The following MYOF variants were observed in gnomAD, a reference collection of about 807,000 sequenced individuals.
MYOF encodes the protein fer-1-like 3, myoferlin.
A neutral mutation model predicts 284.2 loss-of-function variants in MYOF; 244 were observed. That is an observed-to-expected ratio of 0.86 (90% CI 0.77 to 0.95). The LOEUF is 0.95. MYOF is among the 40% of genes least tolerant of loss of function. The pLI is 0.00. For synonymous variants in MYOF, 904 were observed against 919.7 expected (o/e 0.98, Z 0.31); for missense variants, 2,496 against 2,560.6 (o/e 0.97, Z 0.54).
chr10:93,327,797 G>A (rs1015059215), intron 45 of MYOF, among the ~76,000 whole-genome samples: 7 of 150,950 alleles, frequency 4.6e-5, no homozygotes, highest in Middle Eastern at 3.2e-3. Context: ...TCACTCTGTC[G>A]CCCAGGCTGG....
At chr10:93,427,985 A>C (rs1303694856) in intron 4 of MYOF, among the ~76,000 whole-genome samples, 1 of 152,072 alleles carries the variant, frequency 6.6e-6, no homozygotes, top group East Asian at 1.9e-4. Context: ...CTACTATCAC[A>C]ATCATTTTAT....
intron 12 of MYOF, among the ~76,000 whole-genome samples, chr10:93,400,495 G>A (rs566241718): frequency 6.6e-6 from 1 of 151,962 alleles, no homozygotes; most frequent in South Asian, 2.1e-4. Flanking sequence ...AGAAAGGTGG[G>A]TATGGGGAGG....
chr10:93,382,905 C>T (rs1445299036), intron 19 of MYOF, among the ~76,000 whole-genome samples: 1 of 151,268 alleles, frequency 6.6e-6, no homozygotes, highest in African/African-American at 2.4e-5. Context: ...ATTTTTAATT[C>T]TTTTTTTTTA....
intron 5 of MYOF, among the ~76,000 whole-genome samples, chr10:93,413,504 A>G (rs1847988949): frequency 6.6e-6 from 1 of 152,216 alleles, no homozygotes; most frequent in Non-Finnish European, 1.5e-5. Context: ...TTGTGCTGGC[A>G]GGCCCTGTTC....
chr10:93,425,995 T>G, intron 5 of MYOF, 76 bp downstream of exon 5: 1 of 1,429,796 alleles, frequency 7.0e-7, no homozygotes, highest in Non-Finnish European at 9.6e-7. Context: ...ATGGCAGGGT[T>G]TCTCCAGACA....
intron 5 of MYOF, among the ~76,000 whole-genome samples, chr10:93,413,007 T>A (rs1479386495): frequency 6.6e-6 from 1 of 152,184 alleles, no homozygotes; most frequent in African/African-American, 2.4e-5. Flanking sequence ...ATCCTGGGCC[T>A]AAGTGGTACT....
chr10:93,361,471 A>T lies in MYOF; in HGVS notation c.2955T>A (p.Asn985Lys), dbSNP rs1381259728. 4 of 1,614,074 alleles carry T rather than the reference A, an allele frequency of 2.5e-6. No individual in the cohort carries two copies. The highest frequency in any genetic ancestry group is 1.3e-5 in the African/African-American group (1 of 74,932). The change falls in exon 28 of 54, where the codon AAT becomes AAA. Residue 985 changes from asparagine to lysine, a missense_variant. Asn to Lys is a moderately conservative substitution (Grantham distance 94). Around this residue, in one of 3 missense-constraint regions of MYOF, gnomAD observed 2,436 missense variants for 2,480.7 expected, o/e 0.98. Coordinates refer to ENST00000359263, the MANE Select transcript of MYOF (RefSeq NM_013451.4). ...TGTTACCTTTCTCATCCACCGCTCG[A>T]TTTATGTCATAAGACCATGCATCAT... is the stretch of plus-strand genomic sequence containing the variant. ...WEDDAWSYDI[N>K]RAVDEKGWEY... is the part of the protein sequence containing the mutation.
Position 93,408,839 on chromosome 10 carries a change from C to T in MYOF, c.677G>A (p.Gly226Asp), listed in dbSNP as rs761719781. The change falls in exon 7 of 54, where the codon GGC (glycine) becomes GAC (aspartate). Residue 226 changes from glycine (G) to aspartate (D), a missense_variant. Physicochemically the swap from Gly to Asp is moderately conservative, Grantham distance 94. This residue lies in a region of MYOF where 2,436 missense variants were observed against 2,480.7 expected (regional missense o/e 0.98). Transcript: ENST00000359263. ...CTTGATTCTTGTTCGGTGTGTCTGG[C>T]CACAGACGTGAACTTTGACCACAGG... is the stretch of plus-strand genomic sequence containing the variant. The part of the protein sequence containing the change: ...IRPVVKVHVC[G>D]QTHRTRIKRG... 4.3e-6 allele frequency: 7 copies of T among 1,614,060 alleles called. No individual in the cohort carries two copies. Among genetic ancestry groups the T allele is most frequent in the East Asian group, 2.2e-5 (1 of 44,890 alleles).
intron 49 of MYOF, among the ~76,000 whole-genome samples, chr10:93,318,403 A>C (rs1842709641): frequency 6.6e-6 from 1 of 152,096 alleles, no homozygotes; most frequent in Admixed American, 6.5e-5. Flanking sequence ...CCTGGGTGGC[A>C]GAGTGAGACC....
chr10:93,327,893 G>T (rs1430898651), intron 45 of MYOF, among the ~76,000 whole-genome samples: 3 of 152,098 alleles, frequency 2.0e-5, no homozygotes, highest in African/African-American at 7.2e-5. Flanking sequence ...GAGTAGCTGG[G>T]ATTACAGGTG....
chr10:93,315,128 A>G (rs1842562236), intron 50 of MYOF, among the ~76,000 whole-genome samples: 1 of 152,192 alleles, frequency 6.6e-6, no homozygotes, highest in Admixed American at 6.5e-5. Context: ...CTACTTGCAT[A>G]CTCATTTATT....
chr10:93,421,181 C>T (rs575902021), intron 5 of MYOF, among the ~76,000 whole-genome samples: 29 of 152,092 alleles, frequency 1.9e-4, no homozygotes, highest in South Asian at 4.2e-4. Context: ...TACTCCACTG[C>T]GTTCCAGCCT....
chr10:93,338,517 T>TCATCTACCTGCCTC (rs1843717756), intron 39 of MYOF: 1 of 456,720 alleles, frequency 2.2e-6, no homozygotes, highest in Admixed American at 2.4e-5. Context: ...CATGCTGCCT[T>TCATCTACCTGCCTC]CATCTACCTG....
chr10:93,409,556 C>T lies in MYOF; in HGVS notation c.600+17G>A, dbSNP rs760184866. On this transcript the variant is annotated intron_variant, in intron 6 of 53. Transcript: ENST00000359263. ...ATAAAGATTAAACAAAGAAGCAGAA[C>T]GCCAGGCCGTTGCTACCTGGAAGTC... 3.0e-5 allele frequency: 49 copies of T among 1,609,538 alleles called. No homozygotes were observed. The highest frequency in any genetic ancestry group is 2.7e-4 in the East Asian group (12 of 44,810).
chr10:93,464,517 G>T (rs2056958782), intron 1 of MYOF, among the ~76,000 whole-genome samples: 2 of 152,164 alleles, frequency 1.3e-5, no homozygotes, highest in African/African-American at 2.4e-5. Flanking sequence ...GCAGGGAAAA[G>T]CACAGATGTC....
At chr10:93,433,150 T>TTTTATTTA (rs111782136) in intron 3 of MYOF, among the ~76,000 whole-genome samples, 25 of 151,820 alleles carry the variant, frequency 1.6e-4, no homozygotes, top group African/African-American at 5.6e-4. Flanking sequence ...ATTTAGAATG[T>TTTTATTTA]TTTATTTATT....
chr10:93,477,590 T>C (rs564838433), intron 1 of MYOF, among the ~76,000 whole-genome samples: 11 of 152,236 alleles, frequency 7.2e-5, no homozygotes, highest in Admixed American at 2.6e-4. Context: ...GGCTCACGCC[T>C]GTAATCCCAG....
At chr10:93,318,103 C>T (rs1462867584) in intron 49 of MYOF, among the ~76,000 whole-genome samples, 4 of 152,092 alleles carry the variant, frequency 2.6e-5, no homozygotes, top group Admixed American at 2.6e-4. Context: ...AGCCCTGATG[C>T]CACACCATCT....
intron 3 of MYOF, among the ~76,000 whole-genome samples, chr10:93,443,553 C>T (rs1052620340): frequency 3.3e-5 from 5 of 151,314 alleles, no homozygotes; most frequent in African/African-American, 1.2e-4. Flanking sequence ...TTTAGACTAA[C>T]CTTGGCATCT....
Sources: allele counts gnomAD v4.1 joint callset (sites outside exome capture counted in the v4.1 genomes callset), GRCh38; gene constraint gnomAD v4.1.1; regional missense constraint gnomAD v4.1.1; transcripts MANE v1.5; gene names NCBI Gene and HGNC (gene_info 2026-07-23, HGNC 2026-07-21).